The following FYB2 variants were observed in gnomAD, a reference collection of about 807,000 sequenced individuals.
The protein encoded by FYB2 is FYN-binding protein 2.
FYB2 carries 103 observed loss-of-function variants against 94.1 expected under a neutral mutation model. The observed-to-expected ratio is 1.09, with a 90% CI of 0.93 to 1.29. The LOEUF is 1.29. Ranked by LOEUF, FYB2 falls within the 50% of genes most tolerant of loss-of-function variation. The pLI is 0.00. For missense variants in FYB2, 896 were observed against 841.5 expected, an observed-to-expected ratio of 1.06 and a Z score of -0.80; for synonymous variants, 293 against 287.9, an observed-to-expected ratio of 1.02 and a Z score of -0.18.
At chr1:56,761,581 A>G (rs1438732714) in intron 5 of FYB2, among the ~76,000 whole-genome samples, 1 of 152,186 alleles carries the variant, frequency 6.6e-6, no homozygotes, top group Non-Finnish European at 1.5e-5. Context: ...TCTGAGGACA[A>G]TTCTGCAGAG....
Position 56,817,259 on chromosome 1 carries a change from C to T in FYB2, c.9+2023G>A, listed in dbSNP as rs185174711. 1.8e-4 allele frequency among the ~76,000 whole-genome samples: 27 copies of T among 152,312 alleles called. No homozygotes were observed. In the East Asian group the frequency reaches 4.2e-3, roughly 24 times the overall value. ...CTCCAGTCATTCCTTGAAACACCCACGACCTTCTGCCTCAGGGCGTTTATA... is the reference window on the plus strand; with the variant it reads ...CTCCAGTCATTCCTTGAAACACCCATGACCTTCTGCCTCAGGGCGTTTATA... On this transcript the variant is annotated intron_variant, in intron 1 of 19. Transcript: ENST00000343433.
intron 1 of FYB2, among the ~76,000 whole-genome samples, chr1:56,808,182 A>G (rs1646688001): frequency 6.6e-6 from 1 of 152,124 alleles, no homozygotes; most frequent in African/African-American, 2.4e-5. Context: ...GATGAACTCC[A>G]TTTTACAGAT....
intron 6 of FYB2, among the ~76,000 whole-genome samples, chr1:56,757,653 CT>C: frequency 6.8e-6 from 1 of 146,792 alleles, no homozygotes; most frequent in Non-Finnish European, 1.5e-5. Flanking sequence ...TCCTTTCTTT[CT>C]TTCTTTTTCT....
At chr1:56,779,281 T>A (rs1219467062) in intron 4 of FYB2, among the ~76,000 whole-genome samples, 4 of 152,306 alleles carry the variant, frequency 2.6e-5, no homozygotes, top group Admixed American at 2.6e-4. Context: ...ATGATTAGTT[T>A]AATTAAATAT....
intron 4 of FYB2, among the ~76,000 whole-genome samples, chr1:56,784,304 G>T (rs1257994351): frequency 3.9e-5 from 6 of 152,136 alleles, no homozygotes; most frequent in Non-Finnish European, 7.4e-5. Flanking sequence ...AGTTCTAGGG[G>T]TGGGATCAAA....
At chr1:56,750,228 T>C (rs1461600141) in intron 9 of FYB2, among the ~76,000 whole-genome samples, 3 of 152,086 alleles carry the variant, frequency 2.0e-5, no homozygotes, top group African/African-American at 7.2e-5. Context: ...ACTTAATATA[T>C]GATCCAGAAA....
intron 1 of FYB2, among the ~76,000 whole-genome samples, chr1:56,814,365 T>C (rs556663729): frequency 6.6e-5 from 10 of 152,236 alleles, no homozygotes; most frequent in African/African-American, 1.7e-4. Flanking sequence ...TTTAGGACCA[T>C]TTCTCCCCAG....
intron 4 of FYB2, among the ~76,000 whole-genome samples, chr1:56,781,750 C>A (rs1040659011): frequency 2.6e-5 from 4 of 152,196 alleles, no homozygotes; most frequent in Non-Finnish European, 5.9e-5. Flanking sequence ...GCATTTAGAG[C>A]AAAATCCAAA....
chr1:56,743,524 G>A (rs1231185978), intron 11 of FYB2, among the ~76,000 whole-genome samples: 1 of 151,996 alleles, frequency 6.6e-6, no homozygotes, highest in African/African-American at 2.4e-5. Flanking sequence ...TCCGGAAAGG[G>A]AGGGAAAAGC....
intron 15 of FYB2, 23 bp from the exon 16 acceptor site, chr1:56,726,606 C>A: frequency 6.3e-7 from 1 of 1,579,714 alleles, no homozygotes; most frequent in Admixed American, 1.7e-5. Flanking sequence ...ATATTTTGAG[C>A]AAGTAAATTA....
At chr1:56,809,314 A>T (rs1646713712) in intron 1 of FYB2, among the ~76,000 whole-genome samples, 1 of 152,140 alleles carries the variant, frequency 6.6e-6, no homozygotes, top group South Asian at 2.1e-4. Context: ...AACATAATAC[A>T]AGTATATTAT....
rs576679958 is a variant in FYB2 at position 56,723,831 on chromosome 1, C to T, written c.1881-150G>A. ...TAAAATAATACACAAAGTCACGCAT[C>T]TGTATTTGTGTATATGTACACACAC... On this transcript the variant is annotated intron_variant, in intron 16 of 19. Coordinates refer to ENST00000343433, the MANE Select transcript of FYB2 (RefSeq NM_001004303.5). 8.1e-4 allele frequency: 456 copies of T among 563,010 alleles called. 7 individuals carry two copies. In the South Asian group the frequency reaches 9.6e-3, roughly 12 times the overall value. The allele number at this position is 563,010 out of a possible 1,614,324, so 34.9% of individuals were successfully genotyped here. A position where few individuals can be genotyped will look rare whatever the true frequency, so the allele number is the denominator to read the frequency against.
At chr1:56,736,386 A>G (rs1183905763) in intron 15 of FYB2, among the ~76,000 whole-genome samples, 4 of 151,676 alleles carry the variant, frequency 2.6e-5, no homozygotes, top group African/African-American at 9.7e-5. Context: ...AGTATAAATA[A>G]TAAGTGACTG....
chr1:56,787,043 A>G (rs1646146995), intron 4 of FYB2, 132 bp downstream of exon 4: 2 of 966,080 alleles, frequency 2.1e-6, no homozygotes, highest in Non-Finnish European at 3.3e-6. Context: ...TTTGTTGCTT[A>G]TAAGTTCACT....
At chr1:56,805,208 C>T (rs1480863319) in intron 1 of FYB2, among the ~76,000 whole-genome samples, 2 of 152,126 alleles carry the variant, frequency 1.3e-5, no homozygotes, top group Non-Finnish European at 2.9e-5. Context: ...ACACCCCACT[C>T]GCACATGTAG....
chr1:56,795,670 TTA>T (rs1260938433), intron 1 of FYB2, among the ~76,000 whole-genome samples: 3 of 152,006 alleles, frequency 2.0e-5, no homozygotes, highest in Non-Finnish European at 4.4e-5. Context: ...ATCCTAATGG[TTA>T]TGAGTTTGTC....
chr1:56,778,175 C>G (rs949118797), intron 4 of FYB2, among the ~76,000 whole-genome samples: 1 of 152,132 alleles, frequency 6.6e-6, no homozygotes, highest in African/African-American at 2.4e-5. Context: ...ATGACCAACT[C>G]TTTCTCAACC....
At chr1:56,787,132 G>A (rs376058214) in intron 4 of FYB2, 43 bp downstream of exon 4, 1 of 1,608,586 alleles carries the variant, frequency 6.2e-7, no homozygotes, top group Admixed American at 1.7e-5. Flanking sequence ...AGTAGCCTCT[G>A]TGGTGGGCTA....
intron 14 of FYB2, 74 bp downstream of exon 14, chr1:56,738,551 C>T: frequency 1.4e-6 from 2 of 1,420,856 alleles, no homozygotes; most frequent in East Asian, 2.4e-5. Flanking sequence ...GGAAGGGTTA[C>T]CATTTCTCTT....
Sources: gnomAD v4.1 joint callset for allele counts (sites outside exome capture counted in the v4.1 genomes callset) on GRCh38, gnomAD v4.1.1 for gene constraint, MANE v1.5 for transcripts, NCBI Gene and HGNC (gene_info 2026-07-23, HGNC 2026-07-21) for gene names.